TMPRSS12: variants seen among roughly 807,000 people sequenced by gnomAD.
TMPRSS12 encodes the protein transmembrane protease serine 12.
TMPRSS12 carries 25 observed loss-of-function variants against 26.0 expected under a neutral mutation model. The observed-to-expected ratio is 0.96, with a 90% CI of 0.70 to 1.34. The LOEUF is 1.34. TMPRSS12 is among the 40% of genes most tolerant of loss of function. The pLI is 0.00. For missense variants in TMPRSS12, 441 were observed against 440.1 expected (o/e 1.00, Z -0.02); for synonymous variants, 150 against 161.7 (o/e 0.93, Z 0.55).
chr12:50,886,606 C>G (rs925286948), intron 4 of TMPRSS12: 13 of 152,190 alleles, frequency 8.5e-5, no homozygotes, highest in African/African-American at 2.9e-4. Flanking sequence ...GAATCGGAAA[C>G]AGTTATCTCA....
At chr12:50,868,372 T>C (rs991770521) in intron 3 of TMPRSS12, among the ~76,000 whole-genome samples, 3 of 152,184 alleles carry the variant, frequency 2.0e-5, no homozygotes, top group African/African-American at 7.2e-5. Flanking sequence ...AAACAAACTT[T>C]AATGCAATAG....
At chr12:50,850,728 A>G (rs1180633231) in intron 2 of TMPRSS12, among the ~76,000 whole-genome samples, 3 of 152,268 alleles carry the variant, frequency 2.0e-5, no homozygotes, top group Admixed American at 6.5e-5. Context: ...CTGCCCTGCT[A>G]CTGCTGGCAC....
chr12:50,857,780 T>C (rs1242057225), intron 2 of TMPRSS12, among the ~76,000 whole-genome samples: 1 of 149,628 alleles, frequency 6.7e-6, no homozygotes, highest in Non-Finnish European at 1.5e-5. Context: ...TTTTTTCTGG[T>C]TTAGTTTTTT....
intron 2 of TMPRSS12, among the ~76,000 whole-genome samples, chr12:50,850,771 CCGGA>C (rs1037385248): frequency 6.6e-6 from 1 of 152,168 alleles, no homozygotes; most frequent in African/African-American, 2.4e-5. Context: ...CTGCCACTGC[CCGGA>C]CAAAGTGCTT....
intron 3 of TMPRSS12, among the ~76,000 whole-genome samples, chr12:50,884,830 C>G (rs923581803): frequency 1.3e-5 from 2 of 150,720 alleles, no homozygotes; most frequent in Admixed American, 1.3e-4. Context: ...CGAGATCACG[C>G]CACTGCACTG....
chr12:50,852,674 G>A (rs1299423351), intron 2 of TMPRSS12, among the ~76,000 whole-genome samples: 3 of 152,110 alleles, frequency 2.0e-5, no homozygotes, highest in African/African-American at 7.2e-5. Flanking sequence ...CAAAGTACCG[G>A]AATTACAGGC....
intron 2 of TMPRSS12, among the ~76,000 whole-genome samples, chr12:50,855,241 G>C (rs920451266): frequency 6.6e-6 from 1 of 152,144 alleles, no homozygotes; most frequent in African/African-American, 2.4e-5. Flanking sequence ...TAAAACTAAA[G>C]AGCTTCTGCA....
At chr12:50,856,631 G>A (rs1442429459) in intron 2 of TMPRSS12, among the ~76,000 whole-genome samples, 1 of 41,924 alleles carries the variant, frequency 2.4e-5, no homozygotes, top group African/African-American at 6.8e-5. Context: ...TGTATCTGCT[G>A]TTTTATATTA....
chr12:50,843,118 C>G lies in TMPRSS12; in HGVS notation c.154C>G (p.Arg52Gly), dbSNP rs747929698. ...GGCTGAGGCCGTCCGCAAGAGGCTCCGGCGGCGGAGGGAGGGAGGGGCGCA... is the reference window on the plus strand; with the variant it reads ...GGCTGAGGCCGTCCGCAAGAGGCTCGGGCGGCGGAGGGAGGGAGGGGCGCA... Reference protein sequence around the residue: ...QQAEAVRKRLRRRREGGAHAE... With the variant: ...QQAEAVRKRLGRRREGGAHAE... Residue 52 changes from arginine (R) to glycine (G), a missense_variant, in exon 1 of 5, where the codon CGG becomes GGG. Arg to Gly is a moderately radical substitution (Grantham distance 125). Transcript: ENST00000398458. 6.3e-7 allele frequency: 1 copy of G among 1,575,724 alleles called. No homozygotes were observed.
chr12:50,866,158 C>CT (rs1361674963), intron 3 of TMPRSS12, among the ~76,000 whole-genome samples: 56 of 152,208 alleles, frequency 3.7e-4, no homozygotes, highest in Non-Finnish European at 7.1e-4. Flanking sequence ...AGACAACCCA[C>CT]AGACCCTCTG....
intron 2 of TMPRSS12, among the ~76,000 whole-genome samples, chr12:50,847,301 C>A (rs1212203840): frequency 6.6e-6 from 1 of 151,922 alleles, no homozygotes; most frequent in African/African-American, 2.4e-5. Context: ...TCGTGATCCG[C>A]CCGTCTCGGC....
intron 3 of TMPRSS12, among the ~76,000 whole-genome samples, chr12:50,873,310 A>G (rs970042755): frequency 3.3e-5 from 5 of 151,940 alleles, no homozygotes; most frequent in African/African-American, 1.2e-4. Flanking sequence ...GTAACCAAAC[A>G]CCACCTGTAC....
intron 2 of TMPRSS12, among the ~76,000 whole-genome samples, chr12:50,845,326 A>G (rs1325245140): frequency 6.6e-6 from 1 of 152,222 alleles, no homozygotes; most frequent in East Asian, 1.9e-4. Flanking sequence ...CTAAGACACC[A>G]TTCTCTACTT....
chr12:50,849,702 TG>T (rs756421319), intron 2 of TMPRSS12, among the ~76,000 whole-genome samples: 1 of 151,982 alleles, frequency 6.6e-6, no homozygotes, highest in Non-Finnish European at 1.5e-5. Context: ...TGCTGTTTTG[TG>T]TGTCAGTAGA....
chr12:50,846,821 C>T (rs973438862), intron 2 of TMPRSS12, among the ~76,000 whole-genome samples: 2 of 152,064 alleles, frequency 1.3e-5, no homozygotes, highest in Non-Finnish European at 2.9e-5. Context: ...CTCAAGTGAT[C>T]TTCCCAGTTT....
chr12:50,846,789 A>G (rs1272834261), intron 2 of TMPRSS12, among the ~76,000 whole-genome samples: 1 of 151,984 alleles, frequency 6.6e-6, no homozygotes, highest in Non-Finnish European at 1.5e-5. Context: ...TATGTTGCCC[A>G]GGCTGGTCTG....
Position 50,843,124 on chromosome 12 carries a change from C to A in TMPRSS12, c.160C>A (p.Arg54=), listed in dbSNP as rs1046143518. The A allele has an allele frequency of 7.7e-6, 12 of 1,565,410 alleles. No homozygotes were observed. The highest frequency in any genetic ancestry group is 5.4e-5 in the African/African-American group (4 of 74,038). ...AEAVRKRLRR[R]REGGAHAEDC... Reference sequence around the variant, plus strand: ...GGCCGTCCGCAAGAGGCTCCGGCGGCGGAGGGAGGGAGGGGCGCATGCAGA... The same window carrying A: ...GGCCGTCCGCAAGAGGCTCCGGCGGAGGAGGGAGGGAGGGGCGCATGCAGA... Residue 54 remains arginine (R), a synonymous_variant, in exon 1 of 5, where the codon CGG becomes AGG. Coordinates refer to ENST00000398458, the MANE Select transcript of TMPRSS12 (RefSeq NM_182559.3).
At chr12:50,857,487 G>A (rs1292804853) in intron 2 of TMPRSS12, among the ~76,000 whole-genome samples, 1 of 152,104 alleles carries the variant, frequency 6.6e-6, no homozygotes, top group African/African-American at 2.4e-5. Flanking sequence ...ACATATGCAT[G>A]CACTCACATA....
intron 3 of TMPRSS12, among the ~76,000 whole-genome samples, chr12:50,859,646 C>T (rs1051918368): frequency 6.6e-6 from 1 of 152,232 alleles, no homozygotes; most frequent in African/African-American, 2.4e-5. Context: ...GCATGAGCCA[C>T]TAAGCCTGGC....
Sources: allele counts gnomAD v4.1 joint callset (sites outside exome capture counted in the v4.1 genomes callset), GRCh38; gene constraint gnomAD v4.1.1; transcripts MANE v1.5; gene names NCBI Gene and HGNC (gene_info 2026-07-23, HGNC 2026-07-21).